Variants in SPTLC3 observed in about 807,000 individuals in gnomAD.
SPTLC3 encodes the protein serine palmitoyltransferase long chain base subunit 3.
In SPTLC3, 36 loss-of-function variants were observed where a neutral mutation model predicts 59.3. That is an observed-to-expected ratio of 0.61 (90% CI 0.47 to 0.80). The LOEUF (loss-of-function observed/expected upper bound fraction) is 0.80, where lower values mean the gene tolerates loss of function less well. Ranked by LOEUF, SPTLC3 falls within the 30% of genes least tolerant of loss-of-function variation. The pLI is 0.00. For missense variants in SPTLC3, 625 were observed against 685.1 expected (o/e 0.91, Z 0.98); for synonymous variants, 257 against 240.8 (o/e 1.07, Z -0.62).
chr20:13,142,930 CTT>C (rs1228570293), intron 9 of SPTLC3, among the ~76,000 whole-genome samples: 1 of 152,164 alleles, frequency 6.6e-6, no homozygotes, highest in Non-Finnish European at 1.5e-5. Context: ...CTTTGAATCT[CTT>C]TTAAAACTTC....
chr20:13,041,204 C>T (rs572202158), intron 1 of SPTLC3, among the ~76,000 whole-genome samples: 40 of 152,132 alleles, frequency 2.6e-4, no homozygotes, highest in African/African-American at 9.6e-4. Flanking sequence ...TTCTAACACT[C>T]ATATTGTGTA....
Position 13,141,096 on chromosome 20 carries a change from G to C in SPTLC3, c.1280-12907G>C, listed in dbSNP as rs574888097. 3.9e-5 allele frequency among the ~76,000 whole-genome samples: 6 copies of C among 152,180 alleles called. No homozygotes were observed. The South Asian group carries it at 1.2e-3, about 32-fold the overall frequency. ...TAAGTGGGAAGATTTAGGGCATTGA[G>C]GGGGGAAAGAAAGGAGTACACTGGG... On this transcript the variant is annotated intron_variant, in intron 9 of 11. Coordinates refer to ENST00000399002, the MANE Select transcript of SPTLC3 (RefSeq NM_018327.4).
chr20:13,133,589 C>G (rs1443226439), intron 9 of SPTLC3, among the ~76,000 whole-genome samples: 2 of 152,060 alleles, frequency 1.3e-5, no homozygotes, highest in Non-Finnish European at 2.9e-5. Context: ...CAAAAATTAG[C>G]TGGGCATGGT....
At chr20:13,117,219 C>T (rs945301593) in intron 7 of SPTLC3, among the ~76,000 whole-genome samples, 1 of 152,150 alleles carries the variant, frequency 6.6e-6, no homozygotes, top group Non-Finnish European at 1.5e-5. Flanking sequence ...GTTGGCTTTA[C>T]AAATAAATTG....
At chr20:13,143,996 C>T (rs1247379176) in intron 9 of SPTLC3, among the ~76,000 whole-genome samples, 3 of 152,176 alleles carry the variant, frequency 2.0e-5, no homozygotes, top group Non-Finnish European at 4.4e-5. Context: ...TCCTAACCCC[C>T]TCAGAGCATG....
Position 13,087,205 on chromosome 20 carries a change from C to T in SPTLC3, c.608-3878C>T, listed in dbSNP as rs115635851. Reference sequence around the variant, plus strand: ...CATGAGTCGGCTGGCTGTTTTATTGCGTGACAACACATCCCATATCATCCT... The same window carrying T: ...CATGAGTCGGCTGGCTGTTTTATTGTGTGACAACACATCCCATATCATCCT... On this transcript the variant is annotated intron_variant, in intron 4 of 11. Coordinates refer to ENST00000399002, the MANE Select transcript of SPTLC3 (RefSeq NM_018327.4). Among the ~76,000 whole-genome samples the T allele has an allele frequency of 9.1e-3, 1,378 of 152,246 alleles. 21 individuals are homozygous for T. The highest frequency in any genetic ancestry group is 0.031 in the African/African-American group (1,277 of 41,544).
At position 13,096,376 on chromosome 20, in the gene SPTLC3, G is replaced by A. The variant is rs551565612; in HGVS notation, c.826+2799G>A. On this transcript the variant is annotated intron_variant, in intron 6 of 11. Coordinates refer to ENST00000399002, the MANE Select transcript of SPTLC3 (RefSeq NM_018327.4). ...AATAGCCAAAATCTGGAAACAATCCGAATGTCTACCAACAGGATAGTAGAA... is the reference window on the plus strand; with the variant it reads ...AATAGCCAAAATCTGGAAACAATCCAAATGTCTACCAACAGGATAGTAGAA... Among the ~76,000 whole-genome samples, 42 of 151,468 alleles carry A rather than the reference G, an allele frequency of 2.8e-4. No homozygotes were observed. The South Asian group carries it at 8.2e-3, about 29-fold the overall frequency.
At chr20:13,100,746 C>T (rs1989572382) in intron 6 of SPTLC3, among the ~76,000 whole-genome samples, 1 of 152,144 alleles carries the variant, frequency 6.6e-6, no homozygotes, top group Non-Finnish European at 1.5e-5. Flanking sequence ...AACAGCAACC[C>T]AGATACAGAG....
At chr20:13,040,842 G>C (rs140037254) in intron 1 of SPTLC3, among the ~76,000 whole-genome samples, 549 of 152,148 alleles carry the variant, frequency 3.6e-3, no homozygotes, top group Non-Finnish European at 5.9e-3. Context: ...ATTTTTGAAG[G>C]CTAGTTTTGC....
intron 2 of SPTLC3, among the ~76,000 whole-genome samples, chr20:13,058,079 A>C (rs1487513145): frequency 2.0e-5 from 3 of 152,212 alleles, no homozygotes; most frequent in African/African-American, 7.2e-5. Context: ...TACCCACACA[A>C]GTAAATCACA....
chr20:13,119,143 T>C (rs984573904), intron 8 of SPTLC3, among the ~76,000 whole-genome samples: 5 of 152,240 alleles, frequency 3.3e-5, no homozygotes, highest in Non-Finnish European at 5.9e-5. Flanking sequence ...TGATCCTGGC[T>C]ACATTGCTCT....
chr20:13,151,119 C>T (rs1257378849), intron 9 of SPTLC3, among the ~76,000 whole-genome samples: 1 of 152,172 alleles, frequency 6.6e-6, no homozygotes, highest in Non-Finnish European at 1.5e-5. Flanking sequence ...GCCCACCTCT[C>T]TTCTTTATAG....
chr20:13,159,895 AAAAAG>A, intron 10 of SPTLC3, 103 bp from the exon 11 acceptor site: 1 of 1,399,092 alleles, frequency 7.1e-7, no homozygotes, highest in Non-Finnish European at 9.5e-7. Context: ...ATAAAAAAGA[AAAAAG>A]AAAAAAGAAA....
rs1193698635 is a variant in SPTLC3, at chr20:13,167,340, C to T, written c.*2473C>T. The T allele has an allele frequency of 1.4e-5, 2 of 145,662 alleles. No individual in the cohort carries two copies. The highest frequency in any genetic ancestry group is 1.6e-5 in the Non-Finnish European group (1 of 64,334). 9.0% of individuals were successfully genotyped at this position (145,662 alleles called of 1,614,324 possible). A position where few individuals can be genotyped will look rare whatever the true frequency, so the allele number is the denominator to read the frequency against. ...CAACCATTACCCTCTACATCACCGCCCCGACCTTAGCTCTAATTATATCAG... is the reference window on the plus strand; with the variant it reads ...CAACCATTACCCTCTACATCACCGCTCCGACCTTAGCTCTAATTATATCAG... On this transcript the variant is annotated 3_prime_UTR_variant, in exon 12 of 12. Coordinates refer to ENST00000399002, the MANE Select transcript of SPTLC3 (RefSeq NM_018327.4).
At chr20:13,075,259 C>A (rs1307702190) in intron 4 of SPTLC3, among the ~76,000 whole-genome samples, 1 of 152,114 alleles carries the variant, frequency 6.6e-6, no homozygotes, top group Non-Finnish European at 1.5e-5. Flanking sequence ...ACCTAATTCC[C>A]AGTCTAGCTC....
intron 3 of SPTLC3, chr20:13,073,641 A>C: frequency 3.4e-6 from 1 of 298,410 alleles, no homozygotes. Context: ...TAGTTGGTAG[A>C]GCATCAGGGA....
intron 1 of SPTLC3, among the ~76,000 whole-genome samples, chr20:13,026,879 C>A (rs1986173667): frequency 1.3e-5 from 2 of 152,166 alleles, no homozygotes; most frequent in African/African-American, 2.4e-5. Flanking sequence ...CCCTAGTGGG[C>A]ATCAGGCCAA....
chr20:13,063,919 A>G (rs185586937), intron 2 of SPTLC3, among the ~76,000 whole-genome samples: 1,819 of 152,050 alleles, frequency 0.012, 18 homozygotes, highest in Middle Eastern at 0.048. Context: ...GCCTCCCAAA[A>G]TGCTGGGATT....
chr20:13,046,070 C>T (rs1987217953), intron 1 of SPTLC3, among the ~76,000 whole-genome samples: 1 of 152,198 alleles, frequency 6.6e-6, no homozygotes, highest in Admixed American at 6.5e-5. Flanking sequence ...GGTTAATTTG[C>T]AAGCAGGTTA....
Sources: gnomAD v4.1 joint callset for allele counts (sites outside exome capture counted in the v4.1 genomes callset) on GRCh38, gnomAD v4.1.1 for gene constraint, MANE v1.5 for transcripts, NCBI Gene and HGNC (gene_info 2026-07-23, HGNC 2026-07-21) for gene names.